The following SMOC2 variants were observed in gnomAD, a reference collection of about 807,000 sequenced individuals.
The protein encoded by SMOC2 is SPARC-related modular calcium-binding protein 2.
SMOC2 carries 39 observed loss-of-function variants against 61.4 expected under a neutral mutation model. That is an observed-to-expected ratio of 0.64 (90% confidence interval 0.49 to 0.83). The LOEUF (loss-of-function observed/expected upper bound fraction) is 0.83. Ranked by LOEUF, SMOC2 falls within the 40% of genes least tolerant of loss-of-function variation. The pLI, the probability that SMOC2 is intolerant of heterozygous loss-of-function variation, is 0.00. For missense variants in SMOC2, 556 were observed against 592.9 expected, an observed-to-expected ratio of 0.94 and a Z score of 0.65; for synonymous variants, 247 against 239.9, an observed-to-expected ratio of 1.03 and a Z score of -0.27.
chr6:168,558,939 G>A (rs888285219), intron 7 of SMOC2, among the ~76,000 whole-genome samples: 5 of 152,006 alleles, frequency 3.3e-5, no homozygotes, highest in South Asian at 2.1e-4. Context: ...ACGTGTGTGC[G>A]TGTGCATGCG....
At chr6:168,492,580 C>G (rs564666307) in intron 1 of SMOC2, among the ~76,000 whole-genome samples, 4 of 152,182 alleles carry the variant, frequency 2.6e-5, no homozygotes, top group African/African-American at 4.8e-5. Flanking sequence ...GCATCTGTTA[C>G]GAATTTCATA....
chr6:168,597,858 G>A (rs1562370981), intron 7 of SMOC2, among the ~76,000 whole-genome samples: 1 of 152,268 alleles, frequency 6.6e-6, no homozygotes, highest in African/African-American at 2.4e-5. Flanking sequence ...GTCAGGAGGC[G>A]GTTGCCAGCA....
In SMOC2 at chr6:168,457,780, C is replaced by T. The variant is rs546313828; in HGVS notation, c.84+16326C>T. On this transcript the variant is annotated intron_variant, in intron 1 of 12. Transcript: ENST00000356284. Reference sequence around the variant, plus strand: ...ATGGCAGGCCCAGCTCGGCGAAGGCCTGGAATTTTTCCAAGCCTGTTTTGT... The same window carrying T: ...ATGGCAGGCCCAGCTCGGCGAAGGCTTGGAATTTTTCCAAGCCTGTTTTGT... Among the ~76,000 whole-genome samples, 10 of 152,296 alleles carry T rather than the reference C, an allele frequency of 6.6e-5. No homozygotes were observed. The South Asian group carries it at 2.1e-3, about 32-fold the overall frequency.
intron 7 of SMOC2, among the ~76,000 whole-genome samples, chr6:168,560,437 T>G (rs1328421181): frequency 2.6e-5 from 4 of 152,272 alleles, no homozygotes; most frequent in Non-Finnish European, 4.4e-5. Context: ...TCATATTTAT[T>G]TTTTAAAACT....
chr6:168,620,268 G>A (rs764618286), intron 9 of SMOC2, among the ~76,000 whole-genome samples: 57 of 152,070 alleles, frequency 3.7e-4, no homozygotes, highest in Non-Finnish European at 7.6e-4. Context: ...AAGACTGCAT[G>A]GTGCCTTCTC....
At chr6:168,510,120 G>C (rs1782972379) in intron 2 of SMOC2, 34 bp downstream of exon 2, 1 of 1,582,858 alleles carries the variant, frequency 6.3e-7, no homozygotes, top group Admixed American at 1.7e-5. Context: ...TCCAAAGATG[G>C]GTACATCCAT....
At chr6:168,533,262 A>G (rs1783655523) in intron 4 of SMOC2, among the ~76,000 whole-genome samples, 1 of 152,182 alleles carries the variant, frequency 6.6e-6, no homozygotes, top group African/African-American at 2.4e-5. Flanking sequence ...GCCCTGTTAT[A>G]AATGATGGAT....
chr6:168,532,451 A>G (rs879830978), intron 4 of SMOC2, among the ~76,000 whole-genome samples: 5 of 151,648 alleles, frequency 3.3e-5, no homozygotes, highest in Non-Finnish European at 5.9e-5. Context: ...CCCCACAAAG[A>G]TTTGAAGCCT....
At chr6:168,597,162 G>C (rs1012676150) in intron 7 of SMOC2, among the ~76,000 whole-genome samples, 2 of 152,180 alleles carry the variant, frequency 1.3e-5, no homozygotes, top group African/African-American at 4.8e-5. Context: ...GAGTCTAAAA[G>C]GTAACATTTG....
At chr6:168,612,963 A>G (rs2115212813) in intron 9 of SMOC2, among the ~76,000 whole-genome samples, 1 of 152,300 alleles carries the variant, frequency 6.6e-6, no homozygotes, top group Non-Finnish European at 1.5e-5. Flanking sequence ...CCTAGAGTGC[A>G]GGGTTTCCTC....
chr6:168,522,256 C>T (rs544427633), intron 2 of SMOC2, among the ~76,000 whole-genome samples: 160 of 152,264 alleles, frequency 1.1e-3, no homozygotes, highest in African/African-American at 3.7e-3. Flanking sequence ...GGACATACAA[C>T]GGTTTAGCAC....
chr6:168,477,006 A>G (rs1036195653), intron 1 of SMOC2, among the ~76,000 whole-genome samples: 6 of 152,224 alleles, frequency 3.9e-5, no homozygotes, highest in African/African-American at 9.6e-5. Flanking sequence ...AATAACACCA[A>G]TGGTTCCAAA....
chr6:168,614,288 A>G (rs368983740), intron 9 of SMOC2, among the ~76,000 whole-genome samples: 2 of 63,086 alleles, frequency 3.2e-5, no homozygotes, highest in African/African-American at 6.8e-5. Context: ...CAGCCAGCAC[A>G]GGGCCTCTTC....
intron 1 of SMOC2, among the ~76,000 whole-genome samples, chr6:168,477,423 G>T (rs1009307298): frequency 1.3e-5 from 2 of 152,190 alleles, no homozygotes; most frequent in African/African-American, 4.8e-5. Flanking sequence ...TTACATGTGT[G>T]TTTAAATGGA....
chr6:168,529,493 G>A (rs1783535311), intron 4 of SMOC2, among the ~76,000 whole-genome samples: 1 of 152,190 alleles, frequency 6.6e-6, no homozygotes, highest in African/African-American at 2.4e-5. Context: ...TCACCTGTTC[G>A]GTGCAACTAG....
chr6:168,599,457 A>C, intron 8 of SMOC2, among the ~76,000 whole-genome samples: 1 of 105,914 alleles, frequency 9.4e-6, no homozygotes, highest in South Asian at 3.6e-4. Context: ...TCGTACCCCC[A>C]CACACCCACT....
intron 8 of SMOC2, among the ~76,000 whole-genome samples, chr6:168,599,271 C>T (rs78030168): frequency 0.37 from 49,188 of 133,300 alleles, 9,644 homozygotes; most frequent in Non-Finnish European, 0.42. Context: ...CACACACCCA[C>T]GCTCTCACAC....
At chr6:168,633,127 C>T (rs1175800876) in intron 9 of SMOC2, among the ~76,000 whole-genome samples, 2 of 152,218 alleles carry the variant, frequency 1.3e-5, no homozygotes, top group African/African-American at 2.4e-5. Flanking sequence ...TTTTCCTCCT[C>T]TGTGTCTCCT....
Position 168,604,826 on chromosome 6 carries a change from T to C in SMOC2, c.825-3331T>C, listed in dbSNP as rs551797060. Among the ~76,000 whole-genome samples, 29 of 152,324 alleles carry C rather than the reference T, an allele frequency of 1.9e-4. No homozygotes were observed. The South Asian group carries it at 5.8e-3, about 31-fold the overall frequency. On this transcript the variant is annotated intron_variant, in intron 8 of 12. Transcript: ENST00000356284. ...ACAAGTACATGCCACTCTGCCCAGA[T>C]GAGGCAGGAGCAGCTTGCTCTGGTG...
Sources: gnomAD v4.1 joint callset for allele counts (sites outside exome capture counted in the v4.1 genomes callset) on GRCh38, gnomAD v4.1.1 for gene constraint, MANE v1.5 for transcripts, NCBI Gene and HGNC (gene_info 2026-07-23, HGNC 2026-07-21) for gene names.